Variants in STARD8 observed in about 807,000 individuals in gnomAD.
The protein encoded by STARD8 is StAR related lipid transfer domain containing 8.
Under a neutral mutation model 69.4 loss-of-function variants are expected in STARD8, and 25 were observed. That is an observed-to-expected ratio of 0.36 (90% CI 0.26 to 0.50). STARD8 has a LOEUF of 0.50. STARD8 is among the 20% of genes least tolerant of loss of function. The probability of loss-of-function intolerance (pLI) is 0.96; values close to 1 mark genes in which losing one functional copy is unlikely to be tolerated. For missense variants in STARD8, 921 were observed against 932.5 expected (o/e 0.99, Z 0.16); for synonymous variants, 389 against 374.6 (o/e 1.04, Z -0.45).
intron 2 of STARD8, among the ~76,000 whole-genome samples, chrX:68,692,359 G>A (rs956655872): frequency 4.5e-5 from 5 of 112,174 alleles, no homozygotes; most frequent in African/African-American, 1.6e-4. Context: ...ACTCTCATCA[G>A]GGCCAGCAGG....
chrX:68,716,523 T>C, intron 5 of STARD8, 92 bp downstream of exon 5: 3 of 926,150 alleles, frequency 3.2e-6, no homozygotes, highest in Non-Finnish European at 4.6e-6. Context: ...AGCTCCAGTA[T>C]CCCAGGAGTC....
chrX:68,705,793 C>T lies in STARD8; in HGVS notation c.80-7121C>T, dbSNP rs1004213232. 2.7e-5 allele frequency among the ~76,000 whole-genome samples: 3 copies of T among 112,846 alleles called. No homozygotes were observed. The Admixed American group carries it at 2.8e-4, about 10-fold the overall frequency. On this transcript the variant is annotated intron_variant, in intron 2 of 14. Coordinates refer to ENST00000374599, the MANE Select transcript of STARD8 (RefSeq NM_001142503.3). ...TGCTAGCAGCATTTACTCCTTGACC[C>T]CCACCAATTGAGATGACCAAAAACG... is the stretch of plus-strand genomic sequence containing the variant.
intron 2 of STARD8, among the ~76,000 whole-genome samples, chrX:68,672,758 C>G (rs1279558886): frequency 9.0e-6 from 1 of 111,205 alleles, no homozygotes; most frequent in African/African-American, 3.3e-5. Flanking sequence ...CTTTCAGAGG[C>G]CCCTTCTGAC....
At position 68,715,308 on chromosome X, in the gene STARD8, C is replaced by T. The variant is rs1484922275; in HGVS notation, c.166C>T (p.Leu56=). 8.3e-7 allele frequency: 1 copy of T among 1,208,240 alleles called. No homozygotes were observed. ...CTGCCATACAGAAGGTTCGTTTCCC[C>T]TGGATATTGGCTCTGTGAAGAAAAA... is the stretch of plus-strand genomic sequence containing the variant. ...VQLFEEGSFP[L]DIGSVKKNHG... The change falls in exon 4 of 15, where the codon CTG becomes TTG. Residue 56 remains leucine, a synonymous_variant. Transcript: ENST00000374599.
At chrX:68,714,701 A>G (rs1198632301) in intron 3 of STARD8, among the ~76,000 whole-genome samples, 3 of 112,438 alleles carry the variant, frequency 2.7e-5, no homozygotes, top group Non-Finnish European at 1.9e-5. Context: ...TAAATGCTCA[A>G]TTGGATACTC....
At chrX:68,710,951 A>T in intron 2 of STARD8, among the ~76,000 whole-genome samples, 1 of 112,421 alleles carries the variant, frequency 8.9e-6, no homozygotes, top group East Asian at 2.8e-4. Flanking sequence ...TGGCTGTGGC[A>T]GCCAGCTCAG....
intron 2 of STARD8, among the ~76,000 whole-genome samples, chrX:68,697,714 C>A (rs1407871652): frequency 1.8e-5 from 2 of 112,561 alleles, no homozygotes; most frequent in Non-Finnish European, 3.8e-5. Flanking sequence ...CACTGTCTCT[C>A]TTTTCCCTTC....
intron 2 of STARD8, among the ~76,000 whole-genome samples, chrX:68,677,532 G>A (rs935948806): frequency 1.8e-5 from 2 of 111,500 alleles, no homozygotes; most frequent in African/African-American, 6.5e-5. Context: ...GTATGGAACT[G>A]AATCCCCAGA....
At chrX:68,658,679 G>C (rs375230638) in intron 1 of STARD8, among the ~76,000 whole-genome samples, 1 of 112,470 alleles carries the variant, frequency 8.9e-6, no homozygotes, top group African/African-American at 3.2e-5. Context: ...TGGGAGCCAG[G>C]GCCCGGCCTG....
intron 2 of STARD8, among the ~76,000 whole-genome samples, chrX:68,682,000 AT>A (rs58696444): frequency 0.014 from 1,320 of 96,068 alleles, 24 homozygotes; most frequent in African/African-American, 0.043. Context: ...TTACTCTTCA[AT>A]TTTTTTTTTT....
intron 3 of STARD8, 100 bp from the exon 4 acceptor site, chrX:68,715,194 C>T: frequency 1.4e-6 from 1 of 690,273 alleles, no homozygotes; most frequent in South Asian, 2.8e-5. Flanking sequence ...TGTCTTCCTG[C>T]TCCCCCTCCT....
chrX:68,696,823 G>A (rs941464418), intron 2 of STARD8, among the ~76,000 whole-genome samples: 4 of 111,743 alleles, frequency 3.6e-5, no homozygotes, highest in African/African-American at 1.3e-4. Flanking sequence ...CCCAGTTCCA[G>A]GGAATGTACC....
chrX:68,717,318 C>A lies in STARD8; in HGVS notation c.404C>A (p.Pro135Gln). The A allele has an allele frequency of 8.3e-7, 1 of 1,204,733 alleles. No homozygotes were observed. The highest frequency in any genetic ancestry group is 1.1e-6 in the Non-Finnish European group (1 of 892,986). ...ATGGGGTCCTCTGATCTGTTGGCCC[C>A]ACCGAGCCCTGGCCTGCCAGCGACC... ...SPMGSSDLLA[P>Q]PSPGLPATSS... Residue 135 changes from proline to glutamine, a missense_variant, in exon 6 of 15, where the codon CCA (proline) becomes CAA (glutamine). Physicochemically the swap from Pro to Gln is moderately conservative, Grantham distance 76. Coordinates refer to ENST00000374599, the MANE Select transcript of STARD8 (RefSeq NM_001142503.3).
chrX:68,713,049 A>T (rs757434456), intron 3 of STARD8, 64 bp downstream of exon 3: 99 of 1,061,181 alleles, frequency 9.3e-5, no homozygotes, highest in Admixed American at 8.2e-4. Flanking sequence ...CATCTGTTAG[A>T]TGGGGCAAGT....
chrX:68,705,608 G>A lies in STARD8; in HGVS notation c.80-7306G>A, dbSNP rs928252668. ...TCACTTCAGCCCCCAGGACATCCTG[G>A]GGGGAGGGTGGGCTGCCCAGAGGGG... On this transcript the variant is annotated intron_variant, in intron 2 of 14. Coordinates refer to ENST00000374599, the MANE Select transcript of STARD8 (RefSeq NM_001142503.3). Among the ~76,000 whole-genome samples, 2 of 112,759 alleles carry A rather than the reference G, an allele frequency of 1.8e-5. 1 individual carries two copies. The highest frequency in any genetic ancestry group is 6.4e-5 in the African/African-American group (2 of 31,060).
rs1475313627 is a variant in STARD8 at position 68,647,694 on chromosome X, C to T, written c.-189C>T. ...GGCCTTCCAGGAGGCGGGAGGCGCC[C>T]GCTGTCGAGGCAGCTGAGCCCCGGC... On this transcript the variant is annotated 5_prime_UTR_variant, in exon 1 of 15. Coordinates refer to ENST00000374599, the MANE Select transcript of STARD8 (RefSeq NM_001142503.3). The T allele has an allele frequency of 4.1e-6, 2 of 492,010 alleles. No individual in the cohort carries two copies. The highest frequency in any genetic ancestry group is 4.1e-5 in the East Asian group (1 of 24,327). 40.5% of individuals were successfully genotyped at this position (492,010 alleles called of 1,213,427 possible). A position where few individuals can be genotyped will look rare whatever the true frequency, so the allele number is the denominator to read the frequency against.
Position 68,718,491 on chromosome X carries a change from C to G in STARD8, c.1577C>G (p.Ala526Gly). 1 of 1,212,111 alleles carries G rather than the reference C, an allele frequency of 8.3e-7. No homozygotes were observed. The highest frequency in any genetic ancestry group is 1.1e-6 in the Non-Finnish European group (1 of 895,575). Residue 526 changes from alanine (A) to glycine (G), a missense_variant, in exon 6 of 15, where the codon GCC (alanine) becomes GGC (glycine). Transcript: ENST00000374599. ...GGACACTCCATTTCTGACACTGTGG[C>G]CTCCTCCAGCGAACTTGACAGTAGT... ...EEGHSISDTV[A>G]SSSELDSSGN... is the part of the protein sequence containing the mutation.
At chrX:68,715,807 G>T (rs186928766) in intron 4 of STARD8, among the ~76,000 whole-genome samples, 2 of 111,420 alleles carry the variant, frequency 1.8e-5, no homozygotes, top group East Asian at 2.8e-4. Flanking sequence ...CACCAGCGTC[G>T]CATTGTAACA....
chrX:68,685,998 T>A (rs2079829251), intron 2 of STARD8, among the ~76,000 whole-genome samples: 1 of 111,608 alleles, frequency 9.0e-6, no homozygotes, highest in Admixed American at 9.5e-5. Context: ...GTTGGTGAGA[T>A]TTGGGGGCAG....
Sources: allele counts gnomAD v4.1 joint callset (sites outside exome capture counted in the v4.1 genomes callset), GRCh38; gene constraint gnomAD v4.1.1; transcripts MANE v1.5; gene names NCBI Gene and HGNC (gene_info 2026-07-23, HGNC 2026-07-21).